The following RELL1 variants were observed in gnomAD, a reference collection of about 807,000 sequenced individuals.
The protein encoded by RELL1 is RELT-like protein 1.
RELL1 carries 10 observed loss-of-function variants against 23.0 expected under a neutral mutation model. That is an observed-to-expected ratio of 0.43 (90% CI 0.27 to 0.74). The LOEUF (loss-of-function observed/expected upper bound fraction) is 0.74. Among genes scored for constraint, RELL1 ranks in the 30% least tolerant of loss-of-function variants. The pLI is 0.19. For missense variants in RELL1, 315 were observed against 364.4 expected (o/e 0.86, Z 1.10); for synonymous variants, 146 against 146.8 (o/e 0.99, Z 0.04).
intron 6 of RELL1, among the ~76,000 whole-genome samples, chr4:37,619,865 C>T (rs1241180746): frequency 6.6e-6 from 1 of 152,234 alleles, no homozygotes; most frequent in East Asian, 1.9e-4. Context: ...GCTACCTCCT[C>T]ATTTTGGATG....
At chr4:37,624,528 A>G (rs1018474615) in intron 6 of RELL1, among the ~76,000 whole-genome samples, 1 of 147,290 alleles carries the variant, frequency 6.8e-6, no homozygotes, top group African/African-American at 2.5e-5. Context: ...GGTTCACGCC[A>G]TTCTCCTGCC....
intron 6 of RELL1, among the ~76,000 whole-genome samples, chr4:37,621,610 TTA>T (rs1271546897): frequency 6.6e-6 from 1 of 152,170 alleles, no homozygotes; most frequent in African/African-American, 2.4e-5. Flanking sequence ...GGGTCTGTCT[TTA>T]GGCCCTCCAA....
At chr4:37,677,084 C>G (rs1202289878) in intron 1 of RELL1, among the ~76,000 whole-genome samples, 1 of 152,202 alleles carries the variant, frequency 6.6e-6, no homozygotes, top group Non-Finnish European at 1.5e-5. Context: ...CCTTCTGAAT[C>G]TAAAATATGA....
chr4:37,600,173 G>A (rs1182865337), intron 6 of RELL1, among the ~76,000 whole-genome samples: 3 of 151,636 alleles, frequency 2.0e-5, no homozygotes, highest in Non-Finnish European at 4.4e-5. Flanking sequence ...TGGAGGCTGA[G>A]GCAGGAGAAT....
chr4:37,589,470 T>C (rs1718484920), downstream of RELL1, among the ~76,000 whole-genome samples: 1 of 152,232 alleles, frequency 6.6e-6, no homozygotes, highest in South Asian at 2.1e-4. Context: ...TTTTAGTGAC[T>C]GCATAATATT....
chr4:37,624,728 C>T (rs1005258287), intron 6 of RELL1, among the ~76,000 whole-genome samples: 4 of 152,112 alleles, frequency 2.6e-5, no homozygotes, highest in Non-Finnish European at 2.9e-5. Context: ...CGCGCCCAGC[C>T]GGGAATGGTT....
intron 1 of RELL1, among the ~76,000 whole-genome samples, chr4:37,661,132 C>T (rs1232391629): frequency 6.6e-6 from 1 of 151,978 alleles, no homozygotes; most frequent in East Asian, 1.9e-4. Context: ...GTAACTAGTC[C>T]ACCTAGTTAT....
intron 6 of RELL1, among the ~76,000 whole-genome samples, chr4:37,631,063 A>G (rs1453126591): frequency 6.6e-6 from 1 of 152,162 alleles, no homozygotes; most frequent in Non-Finnish European, 1.5e-5. Flanking sequence ...CCTCGTGGTA[A>G]TGCAAGCCCT....
intron 6 of RELL1, among the ~76,000 whole-genome samples, chr4:37,630,934 G>C (rs965933081): frequency 1.3e-5 from 2 of 151,060 alleles, no homozygotes; most frequent in South Asian, 4.3e-4. Context: ...TGGCCTGCAT[G>C]GTTGTTTAAA....
At chr4:37,644,444 T>TTATC (rs1214790184) in intron 3 of RELL1, among the ~76,000 whole-genome samples, 2 of 144,870 alleles carry the variant, frequency 1.4e-5, no homozygotes, top group Non-Finnish European at 3.0e-5. Context: ...TTATTTTTAT[T>TTATC]TATTTATTTA....
At chr4:37,618,902 G>A (rs1719669392) in intron 6 of RELL1, among the ~76,000 whole-genome samples, 1 of 150,070 alleles carries the variant, frequency 6.7e-6, no homozygotes, top group South Asian at 2.1e-4. Context: ...CTTTTGAGAC[G>A]GAGTTTCGCT....
In RELL1 at chr4:37,612,551, G is replaced by C. The variant is rs113605940; in HGVS notation, c.*795C>G. Among the ~76,000 whole-genome samples the C allele has an allele frequency of 1.3e-5, 2 of 150,556 alleles. No individual in the cohort carries two copies. Among genetic ancestry groups the C allele is most frequent in the South Asian group, 4.2e-4 (2 of 4,782 alleles). ...CTTGGGAGGCTGAGGCAGGAGAATC[G>C]CTTGAACCTGGGGAGGTGGAGATTG... On this transcript the variant is annotated 3_prime_UTR_variant, in exon 7 of 7. Transcript: ENST00000454158.
intron 6 of RELL1, among the ~76,000 whole-genome samples, chr4:37,621,203 T>A (rs1233087621): frequency 2.6e-5 from 4 of 152,194 alleles, no homozygotes; most frequent in Non-Finnish European, 5.9e-5. Context: ...ACGCCTGTAA[T>A]CCCAGCACTT....
intron 6 of RELL1, among the ~76,000 whole-genome samples, chr4:37,598,977 G>T (rs2940989): frequency 6.6e-6 from 1 of 151,932 alleles, no homozygotes; most frequent in African/African-American, 2.4e-5. Context: ...GAGCCACCGC[G>T]CCTGGCCCAA....
intron 1 of RELL1, among the ~76,000 whole-genome samples, chr4:37,666,574 C>G (rs1721540344): frequency 6.6e-6 from 1 of 152,200 alleles, no homozygotes; most frequent in African/African-American, 2.4e-5. Flanking sequence ...CAGTTGCTAT[C>G]CTCACCAAGC....
At chr4:37,654,317 T>G (rs1159167527) in intron 1 of RELL1, among the ~76,000 whole-genome samples, 1 of 152,218 alleles carries the variant, frequency 6.6e-6, no homozygotes, top group Admixed American at 6.5e-5. Context: ...GCTACCATAC[T>G]GGACGGCCCA....
At chr4:37,647,227 C>T in intron 3 of RELL1, 141 bp downstream of exon 3, 1 of 586,586 alleles carries the variant, frequency 1.7e-6, no homozygotes, top group Non-Finnish European at 3.1e-6. Context: ...ACTTGCGTAG[C>T]TGAATAATGC....
chr4:37,646,525 T>C (rs530829856), intron 3 of RELL1, among the ~76,000 whole-genome samples: 44 of 152,138 alleles, frequency 2.9e-4, no homozygotes, highest in Non-Finnish European at 5.9e-4. Context: ...TGGAAATGCA[T>C]GTACAACACT....
intron 6 of RELL1, among the ~76,000 whole-genome samples, chr4:37,626,592 G>A (rs1473549839): frequency 1.3e-5 from 2 of 152,170 alleles, no homozygotes; most frequent in Non-Finnish European, 2.9e-5. Context: ...GTACTGCCAT[G>A]TCCACTGCTG....
Sources: gnomAD v4.1 joint callset for allele counts (sites outside exome capture counted in the v4.1 genomes callset) on GRCh38, gnomAD v4.1.1 for gene constraint, MANE v1.5 for transcripts, NCBI Gene and HGNC (gene_info 2026-07-23, HGNC 2026-07-21) for gene names.